Variants in QSER1 observed in about 807,000 individuals in gnomAD.
QSER1 encodes the protein glutamine and serine-rich protein 1.
Under a neutral mutation model 158.5 loss-of-function variants are expected in QSER1, and 49 were observed. That is an observed-to-expected ratio of 0.31 (90% CI 0.25 to 0.39). QSER1 has a LOEUF of 0.39. Ranked by LOEUF, QSER1 falls within the 10% of genes least tolerant of loss-of-function variation. QSER1 has a pLI of 1.00. For missense variants in QSER1, 1,754 were observed against 2,010.3 expected, an observed-to-expected ratio of 0.87 and a Z score of 2.44; for synonymous variants, 650 against 715.5, an observed-to-expected ratio of 0.91 and a Z score of 1.46.
chr11:32,955,779 G>C (rs920164068), intron 6 of QSER1, among the ~76,000 whole-genome samples: 1 of 152,106 alleles, frequency 6.6e-6, no homozygotes, highest in African/African-American at 2.4e-5. Context: ...ACTTAATGTA[G>C]CTGGAAGTAA....
chr11:32,975,716 G>T, intron 12 of QSER1: 1 of 1,030,270 alleles, frequency 9.7e-7, no homozygotes, highest in South Asian at 2.0e-5. Context: ...TTATTACTTA[G>T]AATGGCCTTA....
chr11:32,894,838 G>C (rs1851534814), intron 1 of QSER1, among the ~76,000 whole-genome samples: 1 of 152,192 alleles, frequency 6.6e-6, no homozygotes, highest in South Asian at 2.1e-4. Flanking sequence ...ATTTTAAGGA[G>C]TTTCATGAAA....
intron 11 of QSER1, 136 bp downstream of exon 11, chr11:32,973,685 C>T (rs764040519): frequency 1.4e-5 from 11 of 790,840 alleles, no homozygotes; most frequent in Non-Finnish European, 2.0e-5. Context: ...GAATAAGCGT[C>T]ACTGGCCTGA....
At chr11:32,900,025 A>G (rs1001652160) in intron 1 of QSER1, among the ~76,000 whole-genome samples, 2 of 152,188 alleles carry the variant, frequency 1.3e-5, no homozygotes, top group African/African-American at 4.8e-5. Flanking sequence ...CCAGAAGGTT[A>G]GAGCCATCCA....
chr11:32,949,618 A>AAATT (rs1312834304), intron 4 of QSER1, among the ~76,000 whole-genome samples: 56 of 152,360 alleles, frequency 3.7e-4, no homozygotes, highest in African/African-American at 1.3e-3. Flanking sequence ...CTTCAGTTAC[A>AAATT]AGACAAATCA....
intron 7 of QSER1, among the ~76,000 whole-genome samples, chr11:32,956,858 C>G (rs1852522930): frequency 6.6e-6 from 1 of 152,304 alleles, no homozygotes; most frequent in Non-Finnish European, 1.5e-5. Flanking sequence ...ACTGCAGCCT[C>G]GACCTCCCAG....
chr11:32,961,003 A>G (rs1852613229), intron 8 of QSER1, among the ~76,000 whole-genome samples: 1 of 152,298 alleles, frequency 6.6e-6, no homozygotes, highest in Non-Finnish European at 1.5e-5. Context: ...AATTTACTAA[A>G]TACCAATTCA....
intron 4 of QSER1, among the ~76,000 whole-genome samples, chr11:32,946,596 T>C (rs1399892743): frequency 6.6e-6 from 1 of 152,236 alleles, no homozygotes; most frequent in Non-Finnish European, 1.5e-5. Flanking sequence ...TTCTCAGATC[T>C]CCAGCTGCGT....
rs78591177 is a variant in QSER1 at position 32,909,869 on chromosome 11, C to T, written c.209+16535C>T. ...AAGGTGTATTTTGATTTTAGGATTC[C>T]CTTGGTATCGATTTTAGTTCGGAAA... On this transcript the variant is annotated intron_variant, in intron 1 of 12. Transcript: ENST00000650167. Among the ~76,000 whole-genome samples the T allele has an allele frequency of 9.2e-5, 14 of 152,024 alleles. No homozygotes were observed. In the East Asian group the frequency reaches 2.7e-3, roughly 29 times the overall value.
chr11:32,910,608 GTAAAGACA>G (rs1851754149), intron 1 of QSER1, among the ~76,000 whole-genome samples: 1 of 152,154 alleles, frequency 6.6e-6, no homozygotes, highest in South Asian at 2.1e-4. Flanking sequence ...CATATACTCA[GTAAAGACA>G]TAGAGACTTA....
At chr11:32,907,746 A>G (rs1424840886) in intron 1 of QSER1, among the ~76,000 whole-genome samples, 1 of 152,178 alleles carries the variant, frequency 6.6e-6, no homozygotes, top group African/African-American at 2.4e-5. Context: ...TGGTATTTAC[A>G]GGTAGTTAGT....
chr11:32,906,311 A>C (rs1169614011), intron 1 of QSER1, among the ~76,000 whole-genome samples: 1 of 152,022 alleles, frequency 6.6e-6, no homozygotes, highest in Non-Finnish European at 1.5e-5. Flanking sequence ...AATCCCAGCT[A>C]CTTGGGAGGC....
rs1853042196 is a variant in QSER1, at chr11:32,979,917, A to G, written c.*3443A>G. ...AATTTTTGTTTTAAACTGTATTTCA[A>G]TCTATTTCTCCAAGATGCTTTTCAT... is the stretch of plus-strand genomic sequence containing the variant. On this transcript the variant is annotated 3_prime_UTR_variant, in exon 13 of 13. Coordinates refer to ENST00000650167, the MANE Select transcript of QSER1 (RefSeq NM_001076786.3). 6.6e-6 allele frequency: 1 copy of G among 152,178 alleles called. No individual in the cohort carries two copies. The highest frequency in any genetic ancestry group is 2.4e-5 in the African/African-American group (1 of 41,454). 9.4% of individuals were successfully genotyped at this position (152,178 alleles called of 1,614,324 possible). A position where few individuals can be genotyped will look rare whatever the true frequency, so the allele number is the denominator to read the frequency against.
At chr11:32,966,542 C>T in intron 9 of QSER1, 105 bp downstream of exon 9, 2 of 962,526 alleles carry the variant, frequency 2.1e-6, no homozygotes, top group Non-Finnish European at 2.9e-6. Flanking sequence ...TAATATATAC[C>T]TATAAATTGT....
At chr11:32,947,101 GTGCACCCACTGACC>G (rs1852348500) in intron 4 of QSER1, among the ~76,000 whole-genome samples, 4 of 148,606 alleles carry the variant, frequency 2.7e-5, no homozygotes, top group African/African-American at 4.9e-5. Context: ...CGCACGGTGC[GTGCACCCACTGACC>G]TGCACCCACT....
intron 10 of QSER1, among the ~76,000 whole-genome samples, chr11:32,970,946 CTTTT>C (rs776051259): frequency 6.5e-5 from 5 of 76,870 alleles, no homozygotes; most frequent in African/African-American, 1.1e-4. Context: ...AAGCAATTTG[CTTTT>C]TTTTTTTTTT....
intron 1 of QSER1, among the ~76,000 whole-genome samples, chr11:32,908,794 T>C (rs1411771745): frequency 2.0e-5 from 3 of 152,184 alleles, no homozygotes; most frequent in Non-Finnish European, 2.9e-5. Flanking sequence ...CTGTTGCAAA[T>C]TTATGTTTAA....
In QSER1 at chr11:32,934,413, G is replaced by A; in HGVS notation, c.3155G>A (p.Gly1052Glu). The part of the protein sequence containing the change: ...PQNINDTSLN[G>E]NQVTVNLSPV... Reference sequence around the variant, plus strand: ...AATATAAATGATACTTCCTTAAATGGAAATCAGGTTACTGTGAACCTTTCA... The same window carrying A: ...AATATAAATGATACTTCCTTAAATGAAAATCAGGTTACTGTGAACCTTTCA... Residue 1052 changes from glycine (G) to glutamate (E), a missense_variant, in exon 4 of 13, where the codon GGA becomes GAA. Gly to Glu is a moderately conservative substitution (Grantham distance 98, BLOSUM62 -2). Around this residue, in one of 2 missense-constraint regions of QSER1, gnomAD observed 1,707 missense variants for 1,919.6 expected, o/e 0.89. Transcript: ENST00000650167. 1 of 1,613,770 alleles carries A rather than the reference G, an allele frequency of 6.2e-7. No individual in the cohort carries two copies. Among genetic ancestry groups the A allele is most frequent in the South Asian group, 1.1e-5 (1 of 91,024 alleles).
intron 4 of QSER1, 142 bp from the exon 5 acceptor site, chr11:32,953,715 C>T (rs1852463004): frequency 1.1e-6 from 1 of 950,572 alleles, no homozygotes; most frequent in Admixed American, 3.0e-5. Context: ...CATCTGTTGT[C>T]TAATTTCTTC....
Sources: gnomAD v4.1 joint callset for allele counts (sites outside exome capture counted in the v4.1 genomes callset) on GRCh38, gnomAD v4.1.1 for gene constraint, gnomAD v4.1.1 regional missense constraint, MANE v1.5 for transcripts, NCBI Gene and HGNC (gene_info 2026-07-23, HGNC 2026-07-21) for gene names.